Variants in ABR observed in about 807,000 individuals in gnomAD.
ABR encodes the protein ABR activator of RhoGEF and GTPase, also known as active breakpoint cluster region-related protein.
Under a neutral mutation model 107.2 loss-of-function variants are expected in ABR, and 35 were observed. The ratio of observed to expected loss-of-function variants is 0.33; its 90% CI spans 0.25 to 0.43. ABR has a LOEUF of 0.43. Ranked by LOEUF, ABR falls within the 20% of genes least tolerant of loss-of-function variation. The pLI, the probability that ABR is intolerant of heterozygous loss-of-function variation, is 1.00. For synonymous variants in ABR, 498 were observed against 462.0 expected (o/e 1.08, Z -1.00); for missense variants, 815 against 1,115.2 (o/e 0.73, Z 3.83).
intron 3 of ABR, among the ~76,000 whole-genome samples, chr17:1,096,719 G>A (rs192332382): frequency 1.1e-4 from 16 of 148,012 alleles, no homozygotes; most frequent in African/African-American, 3.0e-4. Context: ...GCTGGGGAAG[G>A]GGGGGAACCT....
Position 1,056,100 on chromosome 17 carries a change from G to A in ABR, c.1496C>T (p.Ser499Phe), listed in dbSNP as rs773646538. Residue 499 changes from serine to phenylalanine, a missense_variant, in exon 14 of 23, where the codon TCT (serine) becomes TTT (phenylalanine). By Grantham distance (155) the Ser-to-Phe change is radical. Coordinates refer to ENST00000302538, the MANE Select transcript of ABR (RefSeq NM_021962.5). ...PVTSNKDDDE[S>F]PGLYGFLHVI... ...ATGAAGGAAGCCATAGAGTCCTGGA[G>A]ACTCATCGTCTGCAAGAGAGAAAAG... 19 of 1,614,068 alleles carry A rather than the reference G, an allele frequency of 1.2e-5. No homozygotes were observed. The African/African-American group carries it at 1.2e-4, about 10-fold the overall frequency.
intron 1 of ABR, among the ~76,000 whole-genome samples, chr17:1,202,516 A>C (rs2042689672): frequency 6.6e-6 from 1 of 152,166 alleles, no homozygotes; most frequent in Non-Finnish European, 1.5e-5. Context: ...CCCACTCATG[A>C]TGAAGTTGCA....
At chr17:1,125,429 G>T (rs1280767618) in intron 1 of ABR, 62 bp from the exon 2 acceptor site, 2 of 1,592,102 alleles carry the variant, frequency 1.3e-6, no homozygotes, top group Non-Finnish European at 8.5e-7. Flanking sequence ...GGGACTGGTA[G>T]CGTAGTGGGC....
At chr17:1,017,303 T>A (rs1400285603) in intron 16 of ABR, among the ~76,000 whole-genome samples, 1 of 152,020 alleles carries the variant, frequency 6.6e-6, no homozygotes, top group Non-Finnish European at 1.5e-5. Context: ...TCACACAGGC[T>A]GTCCCTCGTA....
At chr17:1,203,337 C>G (rs1052490328) in intron 1 of ABR, among the ~76,000 whole-genome samples, 1 of 126,796 alleles carries the variant, frequency 7.9e-6, no homozygotes, top group Non-Finnish European at 1.7e-5. Context: ...GGGGCGGGGT[C>G]CGCGGGGAGG....
chr17:1,031,599 T>C, intron 16 of ABR: 1 of 970,776 alleles, frequency 1.0e-6, no homozygotes. Flanking sequence ...CGCGGGCACC[T>C]TGTTTCGGAG....
chr17:1,147,170 TCTTTCTCC>T (rs2040589975), intron 1 of ABR, among the ~76,000 whole-genome samples: 1 of 152,112 alleles, frequency 6.6e-6, no homozygotes, highest in Admixed American at 6.5e-5. Flanking sequence ...TACACACAGC[TCTTTCTCC>T]CTTTCTCCTC....
chr17:1,211,910 G>A (rs555891581), intron 1 of ABR, among the ~76,000 whole-genome samples: 5 of 150,662 alleles, frequency 3.3e-5, no homozygotes, highest in South Asian at 2.1e-4. Flanking sequence ...GTGAAACCCC[G>A]TCTCTACTAA....
chr17:1,086,222 G>A lies in ABR; in HGVS notation c.532-2595C>T, dbSNP rs567327183. 4.0e-4 allele frequency among the ~76,000 whole-genome samples: 61 copies of A among 152,328 alleles called. 1 individual carries two copies. The highest frequency in any genetic ancestry group is 1.3e-3 in the African/African-American group (55 of 41,572). ...GCTCATAAGCTATTTCCATTAGACAGCAGTGCTCTGGAGCAAATGGCCTAT... is the reference window on the plus strand; with the variant it reads ...GCTCATAAGCTATTTCCATTAGACAACAGTGCTCTGGAGCAAATGGCCTAT... On this transcript the variant is annotated intron_variant, in intron 4 of 22. Transcript: ENST00000302538.
chr17:1,054,520 C>G lies in ABR; in HGVS notation c.1561+1515G>C, dbSNP rs111463150. ...AAAGGGATGGGGATACAAGGAACCTCAGGGGATGGGGGCACAAAGAACCTG... is the reference window on the plus strand; with the variant it reads ...AAAGGGATGGGGATACAAGGAACCTGAGGGGATGGGGGCACAAAGAACCTG... On this transcript the variant is annotated intron_variant, in intron 14 of 22. Coordinates refer to ENST00000302538, the MANE Select transcript of ABR (RefSeq NM_021962.5). Among the ~76,000 whole-genome samples the G allele has an allele frequency of 6.3e-3, 555 of 88,554 alleles. 7 individuals are homozygous for G. Among genetic ancestry groups the G allele is most frequent in the African/African-American group, 0.024 (511 of 21,554 alleles). The allele number at this position is 88,554 out of a possible 152,430, so 58.1% of individuals were successfully genotyped here.
chr17:1,031,744 C>CAG, intron 16 of ABR: 1 of 1,236,010 alleles, frequency 8.1e-7, no homozygotes, highest in Non-Finnish European at 1.0e-6. Context: ...TCGGTCATGC[C>CAG]GGGGGGGACG....
At chr17:1,173,625 C>T (rs902366117) in intron 1 of ABR, among the ~76,000 whole-genome samples, 16 of 152,250 alleles carry the variant, frequency 1.1e-4, no homozygotes, top group South Asian at 8.3e-4. Context: ...AACGCATGGA[C>T]GGGCCAGCTG....
intron 1 of ABR, among the ~76,000 whole-genome samples, chr17:1,225,384 G>A (rs1361707056): frequency 6.6e-6 from 1 of 152,068 alleles, no homozygotes; most frequent in Non-Finnish European, 1.5e-5. Flanking sequence ...TGGGCACAGT[G>A]GCTCAGGCCT....
intron 16 of ABR, among the ~76,000 whole-genome samples, chr17:1,021,150 G>C (rs557306319): frequency 6.6e-6 from 1 of 152,166 alleles, no homozygotes; most frequent in Non-Finnish European, 1.5e-5. Flanking sequence ...CTGGCCACTG[G>C]GGGTCTCAGT....
intron 10 of ABR, among the ~76,000 whole-genome samples, chr17:1,064,878 C>T (rs1210413881): frequency 7.7e-6 from 1 of 129,306 alleles, no homozygotes; most frequent in African/African-American, 2.8e-5. Flanking sequence ...TTCCTCTAGA[C>T]ACTGTTGTTA....
exon 1 of ABR, among the ~76,000 whole-genome samples, chr17:1,229,305 G>A (rs1388963828): frequency 6.6e-6 from 1 of 151,346 alleles, no homozygotes; most frequent in African/African-American, 2.4e-5. Flanking sequence ...GGCTTCTCCG[G>A]CCGCCCCGGG....
Position 1,009,801 on chromosome 17 carries a change from C to T in ABR, c.2237-17G>A. ...CTGACAGGGCTGTGGGAGAGAAGGG[C>T]CAGTGTGGCGTTTGGCTCCTGGGGC... On this transcript the variant is annotated splice_polypyrimidine_tract_variant and intron_variant, in intron 20 of 22. Transcript: ENST00000302538. The T allele has an allele frequency of 1.9e-6, 3 of 1,609,738 alleles. No individual in the cohort carries two copies. Among genetic ancestry groups the T allele is most frequent in the South Asian group, 2.2e-5 (2 of 90,996 alleles).
At chr17:1,223,437 T>A (rs1483933026) in intron 1 of ABR, among the ~76,000 whole-genome samples, 3 of 152,094 alleles carry the variant, frequency 2.0e-5, no homozygotes, top group African/African-American at 7.2e-5. Context: ...AGTACTAATA[T>A]TTGAGGCGGT....
intron 2 of ABR, among the ~76,000 whole-genome samples, chr17:1,118,141 C>A (rs1279693999): frequency 1.5e-5 from 1 of 68,352 alleles, no homozygotes; most frequent in African/African-American, 6.1e-5. Context: ...TTCCCCCCAG[C>A]GTTATCCCTG....
Sources: gnomAD v4.1 joint callset for allele counts (sites outside exome capture counted in the v4.1 genomes callset) on GRCh38, gnomAD v4.1.1 for gene constraint, MANE v1.5 for transcripts, NCBI Gene and HGNC (gene_info 2026-07-23, HGNC 2026-07-21) for gene names.